RNF215: variants seen among roughly 807,000 people sequenced by gnomAD.
RNF215 encodes the protein ring finger protein 215.
RNF215 carries 41 observed loss-of-function variants against 44.8 expected under a neutral mutation model. The ratio of observed to expected loss-of-function variants is 0.92; its 90% CI spans 0.71 to 1.19. The LOEUF is 1.19. Among genes scored for constraint, RNF215 ranks in the 50% most tolerant of loss-of-function variants. RNF215 has a pLI of 0.00. For synonymous variants in RNF215, 218 were observed against 230.1 expected (o/e 0.95, Z 0.48); for missense variants, 452 against 496.2 (o/e 0.91, Z 0.85).
Position 30,379,512 on chromosome 22 carries a change from C to T in RNF215, c.*88G>A. 1 of 1,487,680 alleles carries T rather than the reference C, an allele frequency of 6.7e-7. No individual in the cohort carries two copies. The allele number at this position is 1,487,680 out of a possible 1,614,324, so 92.2% of individuals were successfully genotyped here. On this transcript the variant is annotated 3_prime_UTR_variant, in exon 9 of 9. Transcript: ENST00000382363. ...TTGCTGTCCTGTCTATCCTGCTGTC[C>T]CATCCTGTCCTGTCCTGGGAGCCCA...
intron 2 of RNF215, 69 bp downstream of exon 2, chr22:30,386,547 G>C (rs1270887974): frequency 1.3e-6 from 2 of 1,545,640 alleles, no homozygotes; most frequent in Admixed American, 3.8e-5. Context: ...CATCTAAGGA[G>C]GGCCTGGCTC....
intron 5 of RNF215, among the ~76,000 whole-genome samples, chr22:30,382,200 G>A (rs187143857): frequency 1.2e-3 from 180 of 152,210 alleles, no homozygotes; most frequent in Middle Eastern, 3.4e-3. Flanking sequence ...TTGGGAGTTC[G>A]AGACTAGCCT....
chr22:30,379,501 A>G lies in RNF215; in HGVS notation c.*99T>C. ...ACCCACTGGGCTTGCTGTCCTGTCTATCCTGCTGTCCCATCCTGTCCTGTC... is the reference window on the plus strand; with the variant it reads ...ACCCACTGGGCTTGCTGTCCTGTCTGTCCTGCTGTCCCATCCTGTCCTGTC... On this transcript the variant is annotated 3_prime_UTR_variant, in exon 9 of 9. Transcript: ENST00000382363. The G allele has an allele frequency of 1.4e-6, 2 of 1,440,426 alleles. No homozygotes were observed. Among genetic ancestry groups the G allele is most frequent in the Admixed American group, 2.0e-5 (1 of 49,630 alleles). 89.2% of individuals were successfully genotyped at this position (1,440,426 alleles called of 1,614,324 possible). A position where few individuals can be genotyped will look rare whatever the true frequency, so the allele number is the denominator to read the frequency against.
chr22:30,379,729 A>G lies in RNF215; in HGVS notation c.1093T>C (p.Cys365Arg). The change falls in exon 8 of 9, where the codon TGC becomes CGC. Residue 365 changes from cysteine (C) to arginine (R), a missense_variant. By Grantham distance (180) the Cys-to-Arg change is radical. Transcript: ENST00000382363. ...WLMLQQTCPLCKFNVLGNRYS... is the reference protein window; with the variant it reads ...WLMLQQTCPLRKFNVLGNRYS... ...TGCTCACCCAGGACGTTGAATTTGC[A>G]CAGTGGGCAGGTCTGCTGGAGCATC... 1.9e-6 allele frequency: 3 copies of G among 1,562,098 alleles called. No individual in the cohort carries two copies. Among genetic ancestry groups the G allele is most frequent in the South Asian group, 1.2e-5 (1 of 84,660 alleles).
chr22:30,387,286 T>A lies in RNF215; in HGVS notation c.28A>T (p.Arg10Ter). The change falls in exon 1 of 9, where the codon AGA (arginine) becomes TGA (stop). Residue 10 changes from arginine (R) to a stop codon, truncating the protein, a stop_gained. Coordinates refer to ENST00000382363, the MANE Select transcript of RNF215 (RefSeq NM_001017981.2). LOFTEE classifies it high-confidence loss of function. Reference sequence around the variant, plus strand: ...GGCGGCGGAGGCGGCGGCGGCGATCTCAGCGCGGGGCGAGCGGCGGGGCCC... The same window carrying A: ...GGCGGCGGAGGCGGCGGCGGCGATCACAGCGCGGGGCGAGCGGCGGGGCCC... MGPAARPAL[R>*]SPPPPPPPPP... The A allele has an allele frequency of 9.4e-7, 1 of 1,068,848 alleles. No homozygotes were observed. Among genetic ancestry groups the A allele is most frequent in the Non-Finnish European group, 1.1e-6 (1 of 886,592 alleles). The allele number at this position is 1,068,848 out of a possible 1,614,324, so 66.2% of individuals were successfully genotyped here.
At position 30,380,050 on chromosome 22, in the gene RNF215, C is replaced by A. The variant is rs775139008; in HGVS notation, c.1008+12G>T. 1.9e-6 allele frequency: 3 copies of A among 1,613,476 alleles called. No homozygotes were observed. Among genetic ancestry groups the A allele is most frequent in the East Asian group, 2.2e-5 (1 of 44,856 alleles). ...GGTGAGCTGATGGCTGGTCTCTACC[C>A]GGGGCACTAGCCTGTTTGTTGCAGA... On this transcript the variant is annotated intron_variant, in intron 7 of 8. Coordinates refer to ENST00000382363, the MANE Select transcript of RNF215 (RefSeq NM_001017981.2). The surrounding 1 kb of genome is among the most constrained non-coding windows in gnomAD (Gnocchi z 5.3).
intron 5 of RNF215, 122 bp downstream of exon 5, chr22:30,384,217 G>C: frequency 9.3e-7 from 1 of 1,075,328 alleles, no homozygotes; most frequent in East Asian, 2.5e-5. Flanking sequence ...ACTCCTGTGG[G>C]GTGGGAAAGG....
intron 4 of RNF215, 34 bp from the exon 5 acceptor site, chr22:30,384,529 G>T: frequency 6.2e-7 from 1 of 1,602,476 alleles, no homozygotes; most frequent in Non-Finnish European, 8.5e-7. Flanking sequence ...CAGATGGAAG[G>T]ACTCTTGGGA....
In RNF215 at chr22:30,386,741, C is replaced by T. The variant is rs908398086; in HGVS notation, c.304G>A (p.Glu102Lys). ...RLLLMDIVDA[E>K]QEAPVEGWIA... ...CAGCCTTCCACTGGTGCCTCCTGCT[C>T]GGCATCCACGATGTCCATCTGTGTG... is the stretch of plus-strand genomic sequence containing the variant. Residue 102 changes from glutamate (E) to lysine (K), a missense_variant, in exon 2 of 9, where the codon GAG (glutamate) becomes AAG (lysine). Transcript: ENST00000382363. 2.2e-5 allele frequency: 36 copies of T among 1,606,940 alleles called. No individual in the cohort carries two copies. The highest frequency in any genetic ancestry group is 3.3e-4 in the Middle Eastern group (2 of 6,084).
In RNF215 at chr22:30,385,917, CCAA is replaced by C; in HGVS notation, c.571_573del (p.Leu191del). 1 of 1,614,120 alleles carries C rather than the reference CCAA, an allele frequency of 6.2e-7. No individual in the cohort carries two copies. Among genetic ancestry groups the C allele is most frequent in the Non-Finnish European group, 8.5e-7 (1 of 1,180,000 alleles). On this transcript the variant is annotated inframe_deletion, in exon 4 of 9. Transcript: ENST00000382363. ...ATACCAACTCACTGCAGCAATGCAT[CCAA>C]CAGCTTGGTGACATTGGAGGAATAA...
intron 5 of RNF215, among the ~76,000 whole-genome samples, chr22:30,383,035 G>A (rs1251229195): frequency 2.0e-5 from 3 of 152,164 alleles, no homozygotes; most frequent in Admixed American, 6.5e-5. Context: ...CCAGGAGGTC[G>A]AGGCTGCAGT....
At chr22:30,386,997 G>A (rs1933609978) in intron 1 of RNF215, 32 bp downstream of exon 1, 1 of 1,536,770 alleles carries the variant, frequency 6.5e-7, no homozygotes, top group East Asian at 2.4e-5. Context: ...GAGGGGTTTA[G>A]TGATGCGGCC....
At chr22:30,379,673 G>A in intron 8 of RNF215, 38 bp downstream of exon 8, 2 of 1,552,310 alleles carry the variant, frequency 1.3e-6, no homozygotes, top group Non-Finnish European at 8.7e-7. Context: ...GTGAGGAGCA[G>A]GCAGAGTAGG....
Position 30,387,314 on chromosome 22 carries a change from G to T in RNF215, c.-1C>A, listed in dbSNP as rs1406667938. Reference sequence around the variant, plus strand: ...GCGCGGGGCGAGCGGCGGGGCCCATGGCCGGACCCGGCGAGCTGGCCCAAC... The same window carrying T: ...GCGCGGGGCGAGCGGCGGGGCCCATTGCCGGACCCGGCGAGCTGGCCCAAC... On this transcript the variant is annotated 5_prime_UTR_variant, in exon 1 of 9. Transcript: ENST00000382363. The T allele has an allele frequency of 7.6e-5, 81 of 1,061,950 alleles. No individual in the cohort carries two copies. Among genetic ancestry groups the T allele is most frequent in the Non-Finnish European group, 9.0e-5 (79 of 881,286 alleles). The allele number at this position is 1,061,950 out of a possible 1,614,324, so 65.8% of individuals were successfully genotyped here.
chr22:30,379,934 T>C, intron 7 of RNF215, 121 bp from the exon 8 acceptor site: 1 of 1,535,754 alleles, frequency 6.5e-7, no homozygotes, highest in Non-Finnish European at 8.9e-7. Flanking sequence ...CCCACCCCCC[T>C]GAAATTCTGC....
intron 1 of RNF215, 45 bp from the exon 2 acceptor site, chr22:30,386,804 G>A (rs1175466762): frequency 6.3e-7 from 1 of 1,580,620 alleles, no homozygotes; most frequent in Admixed American, 1.7e-5. Flanking sequence ...GGGTGTGGTG[G>A]GGGAGGGAGC....
In RNF215 at chr22:30,386,148, A is replaced by T; in HGVS notation, c.430-7T>A. On this transcript the variant is annotated splice_region_variant and splice_polypyrimidine_tract_variant and intron_variant, in intron 2 of 8. Transcript: ENST00000382363. Reference sequence around the variant, plus strand: ...GGAAGAGGGCCCGCCGCATCTGCAGAGGGATAGAAGGCGAGAGGCTAGCAT... The same window carrying T: ...GGAAGAGGGCCCGCCGCATCTGCAGTGGGATAGAAGGCGAGAGGCTAGCAT... The T allele has an allele frequency of 6.3e-7, 1 of 1,588,724 alleles. No individual in the cohort carries two copies. Among genetic ancestry groups the T allele is most frequent in the Non-Finnish European group, 8.6e-7 (1 of 1,167,956 alleles).
chr22:30,385,449 G>T, intron 4 of RNF215, among the ~76,000 whole-genome samples: 1 of 144,892 alleles, frequency 6.9e-6, no homozygotes, highest in Admixed American at 7.0e-5. Context: ...AAAGTTAACA[G>T]TTAGGCCGGG....
At position 30,386,802 on chromosome 22, in the gene RNF215, T is replaced by TG. The variant is rs1248131964; in HGVS notation, c.286-44dup. 4.4e-6 allele frequency: 7 copies of TG among 1,581,376 alleles called. No homozygotes were observed. The South Asian group carries it at 4.5e-5, about 10-fold the overall frequency. On this transcript the variant is annotated intron_variant, in intron 1 of 8. Coordinates refer to ENST00000382363, the MANE Select transcript of RNF215 (RefSeq NM_001017981.2). ...ATGAGCAGAGGGAGGTAGGGTGTGG[T>TG]GGGGGAGGGAGCCGGGGTCATCACA...
Sources: gnomAD v4.1 joint callset for allele counts (sites outside exome capture counted in the v4.1 genomes callset) on GRCh38, gnomAD v4.1.1 for gene constraint, Gnocchi (gnomAD v3.1) non-coding constraint, MANE v1.5 for transcripts, NCBI Gene and HGNC (gene_info 2026-07-23, HGNC 2026-07-21) for gene names.